The following MDFIC variants were observed in gnomAD, a reference collection of about 807,000 sequenced individuals.
MDFIC encodes myoD family inhibitor domain-containing protein.
In MDFIC, 17 loss-of-function variants were observed where a neutral mutation model predicts 23.2. The observed-to-expected ratio is 0.73, with a 90% CI of 0.50 to 1.10. The LOEUF is 1.10. Ranked by LOEUF, MDFIC falls within the 50% of genes least tolerant of loss-of-function variation. The pLI is 0.00. For missense variants in MDFIC, 356 were observed against 316.6 expected (o/e 1.12, Z -0.95); for synonymous variants, 120 against 115.2 (o/e 1.04, Z -0.27).
rs1274775871 is a variant in MDFIC at position 115,018,637 on chromosome 7, G to T, written c.*2702G>T. On this transcript the variant is annotated 3_prime_UTR_variant, in exon 5 of 5. Transcript: ENST00000393486. ...ATATGGCTATCATGACTAAGTGCTAGAATTTATAGTTACAGGCGGTGTCCT... is the reference window on the plus strand; with the variant it reads ...ATATGGCTATCATGACTAAGTGCTATAATTTATAGTTACAGGCGGTGTCCT... The T allele has an allele frequency of 6.6e-6, 1 of 152,410 alleles. No individual in the cohort carries two copies. The highest frequency in any genetic ancestry group is 6.6e-5 in the Admixed American group (1 of 15,252). 9.4% of individuals were successfully genotyped at this position (152,410 alleles called of 1,614,324 possible). A position where few individuals can be genotyped will look rare whatever the true frequency, so the allele number is the denominator to read the frequency against.
chr7:115,001,320 T>G (rs1049932184), intron 4 of MDFIC, among the ~76,000 whole-genome samples: 8 of 152,174 alleles, frequency 5.3e-5, no homozygotes, highest in African/African-American at 1.9e-4. Flanking sequence ...CCTGCCTAAA[T>G]TTCCACTATA....
intron 4 of MDFIC, among the ~76,000 whole-genome samples, chr7:114,996,511 C>T (rs941579779): frequency 3.9e-5 from 6 of 151,982 alleles, no homozygotes; most frequent in Admixed American, 3.9e-4. Flanking sequence ...TTTGAGATAC[C>T]CATTATCTGT....
chr7:114,955,093 C>G (rs992114429), intron 3 of MDFIC, among the ~76,000 whole-genome samples: 4 of 152,094 alleles, frequency 2.6e-5, no homozygotes, highest in African/African-American at 9.7e-5. Flanking sequence ...TCACAACACC[C>G]TTTCCTTTTT....
chr7:114,970,074 A>G (rs552440927), intron 3 of MDFIC, among the ~76,000 whole-genome samples: 1 of 152,292 alleles, frequency 6.6e-6, no homozygotes, highest in Admixed American at 6.5e-5. Context: ...ACAGAAGATA[A>G]TATGGCCAGG....
At chr7:114,927,014 T>A (rs1236915116) in intron 2 of MDFIC, among the ~76,000 whole-genome samples, 1 of 152,090 alleles carries the variant, frequency 6.6e-6, no homozygotes, top group African/African-American at 2.4e-5. Flanking sequence ...GTGGTCGTAA[T>A]GGGGGTGCTA....
rs544812813 is a variant in MDFIC at position 114,956,977 on chromosome 7, C to G, written c.217+14580C>G. ...GTGTGTTTTGGCTCCTTGGCTTAAC[C>G]CTTAGCTCTTTTTGGAAGTTGGTTT... On this transcript the variant is annotated intron_variant, in intron 3 of 4. Coordinates refer to ENST00000393486, the MANE Select transcript of MDFIC (RefSeq NM_001166345.3). Among the ~76,000 whole-genome samples, 3 of 152,148 alleles carry G rather than the reference C, an allele frequency of 2.0e-5. No homozygotes were observed. In the South Asian group the frequency reaches 6.3e-4, roughly 32 times the overall value.
chr7:114,925,717 G>T (rs1000390292), intron 2 of MDFIC, among the ~76,000 whole-genome samples: 1 of 152,072 alleles, frequency 6.6e-6, no homozygotes, highest in Non-Finnish European at 1.5e-5. Context: ...TGCCATGTGG[G>T]TTAGTATCTT....
intron 4 of MDFIC, among the ~76,000 whole-genome samples, chr7:115,011,742 A>G (rs763669210): frequency 7.9e-5 from 12 of 152,208 alleles, no homozygotes; most frequent in Non-Finnish European, 1.5e-4. Context: ...TTAATTCTCA[A>G]ATGAATATAT....
chr7:114,923,315 G>GT (rs1792128774), intron 2 of MDFIC, 188 bp downstream of exon 2: 1 of 1,147,838 alleles, frequency 8.7e-7, no homozygotes, highest in Non-Finnish European at 1.2e-6. Context: ...CAACAACCGG[G>GT]TAAGAGGGCG....
At chr7:114,940,923 A>G (rs1319715735) in intron 2 of MDFIC, among the ~76,000 whole-genome samples, 5 of 151,964 alleles carry the variant, frequency 3.3e-5, no homozygotes, top group African/African-American at 9.7e-5. Context: ...TCCCTATTCC[A>G]TCTTGTTATC....
chr7:114,985,061 G>A (rs1484985901), intron 4 of MDFIC, among the ~76,000 whole-genome samples: 6 of 152,134 alleles, frequency 3.9e-5, no homozygotes, highest in African/African-American at 9.7e-5. Flanking sequence ...GTGTGGTATA[G>A]TAATTAGAGC....
chr7:114,961,148 C>T (rs915837200), intron 3 of MDFIC, among the ~76,000 whole-genome samples: 7 of 152,076 alleles, frequency 4.6e-5, no homozygotes, highest in African/African-American at 1.2e-4. Context: ...TACTAAACAC[C>T]GGGTGCTCAG....
Position 114,923,114 on chromosome 7 carries a change from C to T in MDFIC, c.81C>T (p.Gly27=). The T allele has an allele frequency of 6.8e-7, 1 of 1,480,578 alleles. No homozygotes were observed. The allele number at this position is 1,480,578 out of a possible 1,614,324, so 91.7% of individuals were successfully genotyped here. A position where few individuals can be genotyped will look rare whatever the true frequency, so the allele number is the denominator to read the frequency against. Residue 27 remains glycine (G), a synonymous_variant, in exon 2 of 5, where the codon GGC becomes GGT. Transcript: ENST00000393486. ...CCGAGGCGGGCGGCGGCCAGCTGGG[C>T]TCCACAGCCCAGGGTGAGTGCGCGC... ...RVAEAGGGQL[G]STAQGKCDKD...
At chr7:114,937,054 A>C (rs535476827) in intron 2 of MDFIC, among the ~76,000 whole-genome samples, 51 of 152,226 alleles carry the variant, frequency 3.4e-4, no homozygotes, top group African/African-American at 1.0e-3. Flanking sequence ...TTAATATTTT[A>C]TTCCCCAACT....
At chr7:114,976,529 C>T (rs1793318316) in intron 3 of MDFIC, among the ~76,000 whole-genome samples, 1 of 152,006 alleles carries the variant, frequency 6.6e-6, no homozygotes, top group Non-Finnish European at 1.5e-5. Context: ...TTTACAGAGG[C>T]TTTGTAGATT....
chr7:114,992,947 T>G (rs568474113), intron 4 of MDFIC, among the ~76,000 whole-genome samples: 67 of 152,362 alleles, frequency 4.4e-4, no homozygotes, highest in African/African-American at 1.6e-3. Flanking sequence ...CTTGTGCCTC[T>G]AGTAGAGGGT....
chr7:114,973,101 G>GTATGTA (rs1554474411), intron 3 of MDFIC, among the ~76,000 whole-genome samples: 4 of 147,746 alleles, frequency 2.7e-5, no homozygotes, highest in Non-Finnish European at 6.0e-5. Flanking sequence ...GTGTGTGTGT[G>GTATGTA]TATATATATA....
intron 4 of MDFIC, among the ~76,000 whole-genome samples, chr7:114,990,981 C>T (rs1018970366): frequency 3.3e-5 from 5 of 151,632 alleles, no homozygotes; most frequent in African/African-American, 1.2e-4. Context: ...TAAAAGTGTT[C>T]CTATTTCTCC....
At chr7:114,993,219 G>A (rs939290184) in intron 4 of MDFIC, among the ~76,000 whole-genome samples, 1 of 152,026 alleles carries the variant, frequency 6.6e-6, no homozygotes, top group Non-Finnish European at 1.5e-5. Context: ...ATTTTTTATT[G>A]TGTCTATTTG....
Sources: allele counts gnomAD v4.1 joint callset (sites outside exome capture counted in the v4.1 genomes callset), GRCh38; gene constraint gnomAD v4.1.1; transcripts MANE v1.5; gene names NCBI Gene and HGNC (gene_info 2026-07-23, HGNC 2026-07-21).